KSR2: variants seen among roughly 807,000 people sequenced by gnomAD.
KSR2 encodes the protein kinase suppressor of ras 2.
A neutral mutation model predicts 107.8 loss-of-function variants in KSR2; 25 were observed. That is an observed-to-expected ratio of 0.23 (90% CI 0.17 to 0.32). The LOEUF is 0.32. Ranked by LOEUF, KSR2 falls within the 10% of genes least tolerant of loss-of-function variation. The pLI is 1.00. For missense variants in KSR2, 887 were observed against 1,268.9 expected, an observed-to-expected ratio of 0.70 and a Z score of 4.57; for synonymous variants, 480 against 507.0, an observed-to-expected ratio of 0.95 and a Z score of 0.71.
intron 5 of KSR2, among the ~76,000 whole-genome samples, chr12:117,637,274 A>G (rs577446847): frequency 2.6e-4 from 40 of 152,198 alleles, no homozygotes; most frequent in Non-Finnish European, 5.1e-4. Flanking sequence ...TGATTTTGAC[A>G]CTCATCCCCA....
At chr12:117,489,701 G>T (rs749780237) in intron 14 of KSR2, among the ~76,000 whole-genome samples, 3 of 152,170 alleles carry the variant, frequency 2.0e-5, no homozygotes, top group Non-Finnish European at 2.9e-5. Context: ...TTGCAGATGG[G>T]CAATGTCTAC....
At chr12:117,486,685 A>G (rs1872484648) in intron 14 of KSR2, among the ~76,000 whole-genome samples, 1 of 152,094 alleles carries the variant, frequency 6.6e-6, no homozygotes, top group Admixed American at 6.6e-5. Flanking sequence ...CTGAGATTGT[A>G]TTTCCTGTGG....
chr12:117,917,233 T>G (rs1209895648), intron 1 of KSR2, among the ~76,000 whole-genome samples: 3 of 152,188 alleles, frequency 2.0e-5, no homozygotes, highest in African/African-American at 7.2e-5. Context: ...ATTAAGACTA[T>G]ACAATATATC....
At chr12:117,572,986 T>C (rs1355974678) in intron 7 of KSR2, among the ~76,000 whole-genome samples, 2 of 152,218 alleles carry the variant, frequency 1.3e-5, no homozygotes, top group Non-Finnish European at 2.9e-5. Flanking sequence ...TCAGACAATA[T>C]GTGAATTGTG....
At chr12:117,879,406 T>C (rs1231839851) in intron 1 of KSR2, among the ~76,000 whole-genome samples, 1 of 152,250 alleles carries the variant, frequency 6.6e-6, no homozygotes, top group Non-Finnish European at 1.5e-5. Context: ...AGAAAGCAAC[T>C]TAAGGCTAGG....
rs76070508 is a variant in KSR2, at chr12:117,756,319, G to A, written c.986+4692C>T. Among the ~76,000 whole-genome samples the A allele has an allele frequency of 6.0e-3, 907 of 152,328 alleles. 11 individuals are homozygous for A. The highest frequency in any genetic ancestry group is 0.021 in the African/African-American group (866 of 41,574). ...AGAACAGGCTGACTCTCTTGTTAGG[G>A]ACTACCGCAGCTGGTGACTTTTAAG... On this transcript the variant is annotated intron_variant, in intron 4 of 19. Transcript: ENST00000339824.
chr12:117,572,981 C>A lies in KSR2; in HGVS notation c.1325+6138G>T, dbSNP rs1878992787. ...CTGCCAGCTGAATCCAGTTATCAGA[C>A]AATATGTGAATTGTGCTGACATTCT... On this transcript the variant is annotated intron_variant, in intron 7 of 19. Transcript: ENST00000339824. 1.3e-5 allele frequency among the ~76,000 whole-genome samples: 2 copies of A among 152,212 alleles called. 1 individual carries two copies. The highest frequency in any genetic ancestry group is 4.1e-4 in the South Asian group (2 of 4,828).
chr12:117,811,347 G>A (rs1891183390), intron 3 of KSR2, among the ~76,000 whole-genome samples: 1 of 152,172 alleles, frequency 6.6e-6, no homozygotes, highest in East Asian at 1.9e-4. Flanking sequence ...TACAATTTGG[G>A]GGAAGGAATA....
At position 117,579,172 on chromosome 12, in the gene KSR2, C is replaced by A; in HGVS notation, c.1272G>T (p.Thr424=). 6.2e-7 allele frequency: 1 copy of A among 1,613,656 alleles called. No homozygotes were observed. ...RFSTKYWMSQ[T]CTVCGKGMLF... ...GCATCCCTTTCCCACAGACTGTGCACGTCTGAGACATCCAGTACTTGGTGG... is the reference window on the plus strand; with the variant it reads ...GCATCCCTTTCCCACAGACTGTGCAAGTCTGAGACATCCAGTACTTGGTGG... The change falls in exon 7 of 20, where the codon ACG becomes ACT. Residue 424 remains threonine, a synonymous_variant. Coordinates refer to ENST00000339824, the MANE Select transcript of KSR2 (RefSeq NM_173598.6).
intron 4 of KSR2, among the ~76,000 whole-genome samples, chr12:117,729,539 G>A (rs1184782808): frequency 6.6e-6 from 1 of 152,124 alleles, no homozygotes; most frequent in African/African-American, 2.4e-5. Flanking sequence ...AGTCAACACA[G>A]TGTCATTCAC....
chr12:117,536,864 G>A (rs920565138), intron 10 of KSR2, among the ~76,000 whole-genome samples: 3 of 152,232 alleles, frequency 2.0e-5, no homozygotes, highest in Admixed American at 6.5e-5. Context: ...TAGTGCAAGC[G>A]TTTCTGTATA....
rs1894561354 is a variant in KSR2, at chr12:117,897,845, C to T, written c.181-37414G>A. Among the ~76,000 whole-genome samples, 1 of 152,196 alleles carries T rather than the reference C, an allele frequency of 6.6e-6. No homozygotes were observed. The highest frequency in any genetic ancestry group is 1.9e-4 in the East Asian group (1 of 5,184). ...ATTGTTTTATTTTCCTATGAAAACA[C>T]CCCCACAGAAGTTTTAGTTGGCTTG... On this transcript the variant is annotated intron_variant, in intron 1 of 19. Transcript: ENST00000339824. The surrounding 1 kb of genome is among the most constrained non-coding windows in gnomAD (Gnocchi z 4.5).
chr12:117,511,826 T>C (rs1263827047), intron 14 of KSR2, among the ~76,000 whole-genome samples: 1 of 152,194 alleles, frequency 6.6e-6, no homozygotes, highest in Admixed American at 6.5e-5. Context: ...TACTGCTCAG[T>C]CCCCAGAGAG....
At chr12:117,738,572 GAT>G (rs1157535631) in intron 4 of KSR2, among the ~76,000 whole-genome samples, 1 of 152,128 alleles carries the variant, frequency 6.6e-6, no homozygotes, top group Non-Finnish European at 1.5e-5. Context: ...GTAAAAAAAA[GAT>G]ATTAAAGACA....
intron 14 of KSR2, among the ~76,000 whole-genome samples, chr12:117,498,929 G>A (rs1378509196): frequency 6.6e-6 from 1 of 152,196 alleles, no homozygotes; most frequent in Non-Finnish European, 1.5e-5. Flanking sequence ...TCTCAGGTAT[G>A]CCTTCATCAG....
At position 117,601,681 on chromosome 12, in the gene KSR2, AT is replaced by A. The variant is rs372976663; in HGVS notation, c.1172-19323del. Among the ~76,000 whole-genome samples the A allele has an allele frequency of 5.4e-3, 825 of 152,272 alleles. 5 individuals carry two copies. Among genetic ancestry groups the A allele is most frequent in the African/African-American group, 0.018 (763 of 41,558 alleles). On this transcript the variant is annotated intron_variant, in intron 5 of 19. Coordinates refer to ENST00000339824, the MANE Select transcript of KSR2 (RefSeq NM_173598.6). ...AGAGCATGGCCCTGCCTACATCTTGATTTTTGGACTTCTAGCCTCCAGGACT... is the reference window on the plus strand; with the variant it reads ...AGAGCATGGCCCTGCCTACATCTTGATTTTGGACTTCTAGCCTCCAGGACT...
At chr12:117,902,708 C>T (rs1214860987) in intron 1 of KSR2, among the ~76,000 whole-genome samples, 1 of 151,944 alleles carries the variant, frequency 6.6e-6, no homozygotes, top group Non-Finnish European at 1.5e-5. Context: ...CAAACCGTCA[C>T]GTTCTGCACA....
At chr12:117,740,626 A>G (rs1216875722) in intron 4 of KSR2, among the ~76,000 whole-genome samples, 1 of 129,804 alleles carries the variant, frequency 7.7e-6, no homozygotes, top group Non-Finnish European at 1.6e-5. Flanking sequence ...CATATATTAT[A>G]TATGTAATAT....
intron 7 of KSR2, among the ~76,000 whole-genome samples, chr12:117,568,444 C>T (rs561413303): frequency 3.3e-5 from 5 of 152,228 alleles, no homozygotes; most frequent in South Asian, 2.1e-4. Flanking sequence ...CATTTATTGC[C>T]GGCCTGCTGT....
Sources: allele counts gnomAD v4.1 joint callset (sites outside exome capture counted in the v4.1 genomes callset), GRCh38; gene constraint gnomAD v4.1.1; non-coding constraint Gnocchi (gnomAD v3.1); transcripts MANE v1.5; gene names NCBI Gene and HGNC (gene_info 2026-07-23, HGNC 2026-07-21).